CDH12: variants seen among roughly 807,000 people sequenced by gnomAD.
The protein encoded by CDH12 is cadherin 12.
CDH12 carries 41 observed loss-of-function variants against 74.1 expected under a neutral mutation model. The observed-to-expected ratio is 0.55, with a 90% CI of 0.43 to 0.72. CDH12 has a LOEUF of 0.72. Among genes scored for constraint, CDH12 ranks in the 30% least tolerant of loss-of-function variants. The probability of loss-of-function intolerance (pLI) is 0.00; values close to 1 mark genes in which losing one functional copy is unlikely to be tolerated. For synonymous variants in CDH12, 399 were observed against 355.0 expected (o/e 1.12, Z -1.39); for missense variants, 945 against 977.2 (o/e 0.97, Z 0.44).
chr5:22,063,974 T>C (rs1477122512), intron 5 of CDH12, among the ~76,000 whole-genome samples: 1 of 139,436 alleles, frequency 7.2e-6, no homozygotes, highest in African/African-American at 2.7e-5. Flanking sequence ...AACTGACTCA[T>C]GCAATTATGG....
chr5:22,312,664 T>C (rs116535441), intron 3 of CDH12, among the ~76,000 whole-genome samples: 2,375 of 152,312 alleles, frequency 0.016, 41 homozygotes, highest in Non-Finnish European at 0.022. Flanking sequence ...ATTTGTTTCT[T>C]TGTAAATCAG....
At position 21,836,462 on chromosome 5, in the gene CDH12, AACACAC is replaced by A. The variant is rs60658949; in HGVS notation, c.814+5693_814+5698del. Among the ~76,000 whole-genome samples, 166 of 143,518 alleles carry A rather than the reference AACACAC, an allele frequency of 1.2e-3. 2 individuals carry two copies. Among genetic ancestry groups the A allele is most frequent in the Non-Finnish European group, 1.2e-3 (79 of 65,480 alleles). The allele number at this position is 143,518 out of a possible 152,430, so 94.2% of individuals were successfully genotyped here. Reference sequence around the variant, plus strand: ...ATTATTATATTGAAATAGAAAGGAAAACACACACACACACACACACACACACACACA... The same window carrying A: ...ATTATTATATTGAAATAGAAAGGAAAACACACACACACACACACACACACA... On this transcript the variant is annotated intron_variant, in intron 8 of 14. Coordinates refer to ENST00000382254, the MANE Select transcript of CDH12 (RefSeq NM_004061.5).
intron 1 of CDH12, among the ~76,000 whole-genome samples, chr5:22,828,962 C>A (rs1736460647): frequency 6.6e-6 from 1 of 152,014 alleles, no homozygotes; most frequent in Non-Finnish European, 1.5e-5. Context: ...TTTTCCTGGG[C>A]TCAAATAAAG....
At chr5:22,078,153 A>G (rs1229024503) in intron 5 of CDH12, among the ~76,000 whole-genome samples, 1 of 152,190 alleles carries the variant, frequency 6.6e-6, no homozygotes, top group Non-Finnish European at 1.5e-5. Context: ...ATTATGCTTA[A>G]TAACATTTTC....
chr5:22,429,517 T>C (rs1262017817), intron 2 of CDH12, among the ~76,000 whole-genome samples: 1 of 152,152 alleles, frequency 6.6e-6, no homozygotes, highest in Non-Finnish European at 1.5e-5. Context: ...TTTTAGCTAT[T>C]ACTAGTTATG....
chr5:22,830,019 T>C (rs1465143126), intron 1 of CDH12, among the ~76,000 whole-genome samples: 33 of 152,238 alleles, frequency 2.2e-4, no homozygotes, highest in Admixed American at 2.2e-3. Context: ...ATTTTCATTA[T>C]ATCACACATC....
intron 10 of CDH12, among the ~76,000 whole-genome samples, chr5:21,791,566 A>G (rs1213884804): frequency 6.6e-6 from 1 of 151,988 alleles, no homozygotes; most frequent in African/African-American, 2.4e-5. Flanking sequence ...TGTTTGACTC[A>G]TCTCATACTT....
intron 4 of CDH12, among the ~76,000 whole-genome samples, chr5:22,181,833 C>T (rs1561196271): frequency 2.0e-5 from 3 of 152,072 alleles, no homozygotes; most frequent in Non-Finnish European, 4.4e-5. Flanking sequence ...CTCTCTGCCC[C>T]ATGCCATCCA....
intron 4 of CDH12, among the ~76,000 whole-genome samples, chr5:22,159,248 A>G (rs1748192421): frequency 6.6e-6 from 1 of 152,186 alleles, no homozygotes; most frequent in African/African-American, 2.4e-5. Context: ...CAATGGTACA[A>G]AAAGAAGGAA....
At chr5:22,136,837 A>G (rs1399418849) in intron 4 of CDH12, among the ~76,000 whole-genome samples, 14 of 151,870 alleles carry the variant, frequency 9.2e-5, no homozygotes, top group Non-Finnish European at 1.2e-4. Context: ...GAAATCTGCT[A>G]TTGTGATGAA....
intron 1 of CDH12, among the ~76,000 whole-genome samples, chr5:22,815,544 C>T (rs188423918): frequency 2.4e-4 from 36 of 151,804 alleles, no homozygotes; most frequent in Admixed American, 2.1e-3. Context: ...CTGAGGGGGG[C>T]GGATAACCTG....
chr5:22,663,111 C>T (rs1740433523), intron 1 of CDH12, among the ~76,000 whole-genome samples: 1 of 152,106 alleles, frequency 6.6e-6, no homozygotes, highest in Non-Finnish European at 1.5e-5. Context: ...CAAATATATG[C>T]TCATTTCAAC....
chr5:22,774,455 C>G (rs1036269660), intron 1 of CDH12, among the ~76,000 whole-genome samples: 1 of 151,904 alleles, frequency 6.6e-6, no homozygotes, highest in African/African-American at 2.4e-5. Flanking sequence ...TGGCTGTGTC[C>G]CCACCTAAAT....
At chr5:22,499,445 A>G (rs1019747384) in intron 2 of CDH12, among the ~76,000 whole-genome samples, 6 of 152,170 alleles carry the variant, frequency 3.9e-5, no homozygotes, top group African/African-American at 1.2e-4. Context: ...TACCTTCTCT[A>G]GAATGGTTCC....
chr5:22,262,579 T>A (rs1048892705), intron 3 of CDH12, among the ~76,000 whole-genome samples: 4 of 151,146 alleles, frequency 2.6e-5, no homozygotes, highest in Non-Finnish European at 5.9e-5. Context: ...TAAACATACG[T>A]GTGCATGTGT....
At chr5:21,877,416 C>A (rs1251791528) in intron 6 of CDH12, among the ~76,000 whole-genome samples, 1 of 151,952 alleles carries the variant, frequency 6.6e-6, no homozygotes, top group African/African-American at 2.4e-5. Flanking sequence ...ATTTATTTAT[C>A]TATTTATTTA....
intron 1 of CDH12, among the ~76,000 whole-genome samples, chr5:22,592,519 T>C (rs779282576): frequency 1.8e-4 from 27 of 152,168 alleles, no homozygotes; most frequent in Non-Finnish European, 2.5e-4. Flanking sequence ...CTTCCTTCGT[T>C]TTCTCTTTCT....
chr5:22,276,095 C>G (rs1736624581), intron 3 of CDH12, among the ~76,000 whole-genome samples: 1 of 151,810 alleles, frequency 6.6e-6, no homozygotes, highest in Non-Finnish European at 1.5e-5. Context: ...ATGTATAATT[C>G]AATTATATAG....
Position 21,811,498 on chromosome 5 carries a change from T to C in CDH12, c.1002+5447A>G, listed in dbSNP as rs1051582122. 1.8e-4 allele frequency among the ~76,000 whole-genome samples: 27 copies of C among 151,960 alleles called. 1 individual carries two copies. Among genetic ancestry groups the C allele is most frequent in the African/African-American group, 6.3e-4 (26 of 41,550 alleles). ...ATAAGAAGTATATATTTTATTCCCA[T>C]TTATTCAGTAGCAAAAAAAACACTA... On this transcript the variant is annotated intron_variant, in intron 9 of 14. Coordinates refer to ENST00000382254, the MANE Select transcript of CDH12 (RefSeq NM_004061.5).
Sources: allele counts gnomAD v4.1 joint callset (sites outside exome capture counted in the v4.1 genomes callset), GRCh38; gene constraint gnomAD v4.1.1; transcripts MANE v1.5; gene names NCBI Gene and HGNC (gene_info 2026-07-23, HGNC 2026-07-21).